PDE3A: variants seen among roughly 807,000 people sequenced by gnomAD.
The protein encoded by PDE3A is cGMP-inhibited 3',5'-cyclic phosphodiesterase 3A.
PDE3A carries 43 observed loss-of-function variants against 98.3 expected under a neutral mutation model. The observed-to-expected ratio is 0.44, with a 90% CI of 0.34 to 0.56. The LOEUF (loss-of-function observed/expected upper bound fraction) is 0.56. Among genes scored for constraint, PDE3A ranks in the 20% least tolerant of loss-of-function variants. The probability of loss-of-function intolerance (pLI) is 0.01; values close to 1 mark genes in which losing one functional copy is unlikely to be tolerated. For missense variants in PDE3A, 1,427 were observed against 1,440.7 expected, an observed-to-expected ratio of 0.99 and a Z score of 0.15; for synonymous variants, 663 against 567.9, an observed-to-expected ratio of 1.17 and a Z score of -2.38.
chr12:20,370,283 T>G (rs951436876), intron 1 of PDE3A, 39 bp downstream of exon 1: 4 of 1,481,698 alleles, frequency 2.7e-6, no homozygotes, highest in Admixed American at 4.6e-5. Flanking sequence ...CTTGGAAACT[T>G]GAAACACTTG....
At chr12:20,371,000 T>C (rs188780714) in intron 1 of PDE3A, among the ~76,000 whole-genome samples, 41 of 152,380 alleles carry the variant, frequency 2.7e-4, no homozygotes, top group Admixed American at 9.8e-4. Context: ...CTCTTTAGTA[T>C]GTGCATACTT....
At chr12:20,440,496 C>T (rs1438760667) in intron 1 of PDE3A, among the ~76,000 whole-genome samples, 7 of 152,104 alleles carry the variant, frequency 4.6e-5, no homozygotes, top group South Asian at 4.1e-4. Context: ...ATCTTTTTCA[C>T]GTTACAATGA....
At chr12:20,432,679 C>A (rs763267681) in intron 1 of PDE3A, among the ~76,000 whole-genome samples, 11 of 152,082 alleles carry the variant, frequency 7.2e-5, no homozygotes, top group Non-Finnish European at 1.5e-4. Context: ...TTTTTCCATA[C>A]CTTCATAAAA....
chr12:20,660,567 C>T (rs769331059), intron 15 of PDE3A, among the ~76,000 whole-genome samples: 6 of 151,926 alleles, frequency 3.9e-5, no homozygotes, highest in African/African-American at 1.2e-4. Context: ...TGGAGGGACC[C>T]GGTGGGAGAT....
At chr12:20,659,868 A>G (rs1293438469) in intron 15 of PDE3A, among the ~76,000 whole-genome samples, 1 of 152,204 alleles carries the variant, frequency 6.6e-6, no homozygotes. Flanking sequence ...AACAAAAACT[A>G]GAGAGAAAAT....
intron 10 of PDE3A, 21 bp from the exon 11 acceptor site, chr12:20,646,469 G>A (rs1394611819): frequency 1.5e-6 from 2 of 1,295,188 alleles, no homozygotes; most frequent in African/African-American, 2.9e-5. Flanking sequence ...ACTGATGACT[G>A]TTCCTGTTCA....
chr12:20,645,536 C>A (rs1944757612), intron 10 of PDE3A, among the ~76,000 whole-genome samples: 1 of 151,782 alleles, frequency 6.6e-6, no homozygotes, highest in Non-Finnish European at 1.5e-5. Context: ...AGCAGAAATA[C>A]AATATATAAA....
At chr12:20,599,212 G>T (rs532701809) in intron 2 of PDE3A, among the ~76,000 whole-genome samples, 1 of 152,078 alleles carries the variant, frequency 6.6e-6, no homozygotes, top group East Asian at 1.9e-4. Context: ...CAGCTTTTCT[G>T]CTCTGCCCCC....
chr12:20,543,721 CAT>C (rs1394691899), intron 1 of PDE3A, among the ~76,000 whole-genome samples: 9 of 151,938 alleles, frequency 5.9e-5, no homozygotes, highest in African/African-American at 1.9e-4. Context: ...TAATATATAT[CAT>C]GTGAATTTTA....
At chr12:20,627,167 G>C (rs891575509) in intron 5 of PDE3A, among the ~76,000 whole-genome samples, 1 of 136,796 alleles carries the variant, frequency 7.3e-6, no homozygotes, top group Non-Finnish European at 1.6e-5. Context: ...AAAAAAAACT[G>C]TGTAGAAAAC....
chr12:20,484,828 G>C (rs188668073), intron 1 of PDE3A, among the ~76,000 whole-genome samples: 21 of 151,954 alleles, frequency 1.4e-4, no homozygotes, highest in Non-Finnish European at 2.5e-4. Context: ...GTTGTAATTC[G>C]TGTTTAAAAA....
chr12:20,530,338 C>G (rs1946601359), intron 1 of PDE3A, among the ~76,000 whole-genome samples: 1 of 152,152 alleles, frequency 6.6e-6, no homozygotes, highest in Admixed American at 6.5e-5. Context: ...ATTACTACAA[C>G]TTATGGGCAT....
In PDE3A at chr12:20,585,953, C is replaced by T. The variant is rs182747114; in HGVS notation, c.1012-27490C>T. Among the ~76,000 whole-genome samples the T allele has an allele frequency of 4.6e-5, 7 of 152,178 alleles. No homozygotes were observed. In the East Asian group the frequency reaches 1.2e-3, roughly 25 times the overall value. Reference sequence around the variant, plus strand: ...GAATGATACTGTTTGATGGAGTTCACGGTTTTATGGGAGCATGGATATGCA... The same window carrying T: ...GAATGATACTGTTTGATGGAGTTCATGGTTTTATGGGAGCATGGATATGCA... On this transcript the variant is annotated intron_variant, in intron 2 of 15. Transcript: ENST00000359062.
At chr12:20,641,233 A>C (rs1944641892) in intron 10 of PDE3A, among the ~76,000 whole-genome samples, 1 of 152,158 alleles carries the variant, frequency 6.6e-6, no homozygotes. Context: ...CAAAATACAG[A>C]CAGAGTAAGG....
At chr12:20,492,581 A>T (rs1317318859) in intron 1 of PDE3A, among the ~76,000 whole-genome samples, 1 of 152,138 alleles carries the variant, frequency 6.6e-6, no homozygotes, top group East Asian at 1.9e-4. Flanking sequence ...GCACGAGGAG[A>T]GGGAGGTGTA....
intron 1 of PDE3A, chr12:20,371,275 A>T (rs1050635370): frequency 2.6e-6 from 2 of 781,668 alleles, no homozygotes; most frequent in African/African-American, 3.8e-5. Context: ...TACGGTGTCT[A>T]AAAAAGCATA....
chr12:20,685,504 GT>G lies in PDE3A; in HGVS notation c.*5236del, dbSNP rs545151425. ...CTTCATTTCCATAGTGGAAATCAGT[GT>G]TTACCTGCTGATTCAAAAATACTGA... On this transcript the variant is annotated 3_prime_UTR_variant, in exon 16 of 16. Coordinates refer to ENST00000359062, the MANE Select transcript of PDE3A (RefSeq NM_000921.5). 4.0e-4 allele frequency among the ~76,000 whole-genome samples: 61 copies of G among 151,082 alleles called. 1 individual carries two copies. Among genetic ancestry groups the G allele is most frequent in the Middle Eastern group, 6.9e-3 (2 of 290 alleles).
intron 1 of PDE3A, among the ~76,000 whole-genome samples, chr12:20,371,928 T>C (rs988873607): frequency 2.0e-5 from 3 of 152,198 alleles, no homozygotes; most frequent in Non-Finnish European, 2.9e-5. Flanking sequence ...AATAGGATGT[T>C]ACTATTGCAA....
intron 4 of PDE3A, among the ~76,000 whole-genome samples, chr12:20,619,689 G>A (rs1002088680): frequency 6.6e-6 from 1 of 152,064 alleles, no homozygotes; most frequent in Non-Finnish European, 1.5e-5. Flanking sequence ...TTCTGAGGAA[G>A]ATGTCAAAGA....
Sources: allele counts gnomAD v4.1 joint callset (sites outside exome capture counted in the v4.1 genomes callset), GRCh38; gene constraint gnomAD v4.1.1; transcripts MANE v1.5; gene names NCBI Gene and HGNC (gene_info 2026-07-23, HGNC 2026-07-21).